MCF2L: variants seen among roughly 807,000 people sequenced by gnomAD.
MCF2L encodes MCF.2 cell line derived transforming sequence like.
In MCF2L, 97 loss-of-function variants were observed where a neutral mutation model predicts 153.4. That is an observed-to-expected ratio of 0.63 (90% confidence interval 0.54 to 0.75). The LOEUF is 0.75. MCF2L is among the 30% of genes least tolerant of loss of function. The probability of loss-of-function intolerance (pLI) is 0.00; values close to 1 mark genes in which losing one functional copy is unlikely to be tolerated. For synonymous variants in MCF2L, 659 were observed against 632.2 expected (o/e 1.04, Z -0.64); for missense variants, 1,347 against 1,495.2 (o/e 0.90, Z 1.64).
In MCF2L at chr13:113,065,186, C is replaced by G. The variant is rs563082673; in HGVS notation, c.756+101C>G. 9.9e-5 allele frequency: 143 copies of G among 1,450,728 alleles called. No homozygotes were observed. In the African/African-American group the frequency reaches 1.3e-3, roughly 14 times the overall value. 89.9% of individuals were successfully genotyped at this position (1,450,728 alleles called of 1,614,324 possible). ...AGCTGCGGGGGGTCTTTCGTCCCAGCGGGAGTTTGTGTCAGCAGCACGTAA... is the reference window on the plus strand; with the variant it reads ...AGCTGCGGGGGGTCTTTCGTCCCAGGGGGAGTTTGTGTCAGCAGCACGTAA... On this transcript the variant is annotated intron_variant, in intron 7 of 29. Coordinates refer to ENST00000535094, the MANE Select transcript of MCF2L (RefSeq NM_001112732.3).
At chr13:112,937,746 G>A (rs2081529249) in intron 2 of MCF2L, among the ~76,000 whole-genome samples, 1 of 141,256 alleles carries the variant, frequency 7.1e-6, no homozygotes, top group African/African-American at 2.6e-5. Context: ...GAGCACTGAT[G>A]TGCTGGTTCA....
intron 4 of MCF2L, among the ~76,000 whole-genome samples, chr13:113,050,542 G>A (rs551561060): frequency 1.3e-4 from 19 of 150,260 alleles, no homozygotes; most frequent in African/African-American, 3.9e-4. Context: ...CTTCTAGGTC[G>A]TCCAGCAAAT....
chr13:112,944,471 G>A (rs1257808115), intron 2 of MCF2L, among the ~76,000 whole-genome samples: 3 of 151,970 alleles, frequency 2.0e-5, no homozygotes, highest in Admixed American at 1.3e-4. Flanking sequence ...CTGCTCAAGG[G>A]TCGCGTTCCT....
At position 113,099,163 on chromosome 13, in the gene MCF2L, G is replaced by A. The variant is rs1369222575; in HGVS notation, c.*2304G>A. ...ATTCAGGACAGTTCATAGAGTAAAG[G>A]GGGCTGCGTGGCAATCAGGAACTCA... On this transcript the variant is annotated 3_prime_UTR_variant, in exon 30 of 30. Transcript: ENST00000535094. The A allele has an allele frequency of 1.3e-5, 2 of 152,190 alleles. No individual in the cohort carries two copies. The highest frequency in any genetic ancestry group is 2.1e-4 in the South Asian group (1 of 4,808). 9.4% of individuals were successfully genotyped at this position (152,190 alleles called of 1,614,324 possible).
At chr13:112,952,470 C>T (rs2081705180) in intron 2 of MCF2L, among the ~76,000 whole-genome samples, 1 of 152,178 alleles carries the variant, frequency 6.6e-6, no homozygotes, top group East Asian at 1.9e-4. Context: ...GGAGGAATCT[C>T]CGTTTTCTTC....
At chr13:113,016,479 G>A (rs2084522426) in intron 2 of MCF2L, among the ~76,000 whole-genome samples, 1 of 152,144 alleles carries the variant, frequency 6.6e-6, no homozygotes, top group African/African-American at 2.4e-5. Flanking sequence ...CTCCACGTGG[G>A]CCCAGAGACC....
chr13:112,949,240 A>C (rs2081666936), intron 2 of MCF2L, among the ~76,000 whole-genome samples: 1 of 152,268 alleles, frequency 6.6e-6, no homozygotes, highest in Non-Finnish European at 1.5e-5. Context: ...TATTAAATAC[A>C]TTGAATTCAT....
chr13:112,903,751 C>T (rs1440407460), intron 2 of MCF2L, among the ~76,000 whole-genome samples: 1 of 152,220 alleles, frequency 6.6e-6, no homozygotes, highest in African/African-American at 2.4e-5. Context: ...CTTGGGACCT[C>T]TCACGGACTG....
chr13:112,996,424 G>A (rs2083134713), intron 1 of MCF2L, among the ~76,000 whole-genome samples: 1 of 152,226 alleles, frequency 6.6e-6, no homozygotes, highest in Non-Finnish European at 1.5e-5. Flanking sequence ...GACACGCCAG[G>A]ATGGGCCGTG....
At chr13:112,964,150 C>T (rs1029380001) in intron 2 of MCF2L, among the ~76,000 whole-genome samples, 3 of 152,230 alleles carry the variant, frequency 2.0e-5, no homozygotes, top group African/African-American at 7.2e-5. Context: ...CATAGCCCAC[C>T]TCGGATGGCC....
chr13:112,979,687 C>T (rs891776152), intron 1 of MCF2L: 3 of 1,612,844 alleles, frequency 1.9e-6, no homozygotes, highest in Non-Finnish European at 2.5e-6. Context: ...AAGGGAGCAT[C>T]CCGGGGAACC....
chr13:113,064,466 T>C lies in MCF2L; in HGVS notation c.606+46T>C, dbSNP rs1159095348. 8.3e-7 allele frequency: 1 copy of C among 1,202,546 alleles called. No homozygotes were observed. Among genetic ancestry groups the C allele is most frequent in the South Asian group, 1.2e-5 (1 of 82,812 alleles). 74.5% of individuals were successfully genotyped at this position (1,202,546 alleles called of 1,614,324 possible). A position where few individuals can be genotyped will look rare whatever the true frequency, so the allele number is the denominator to read the frequency against. On this transcript the variant is annotated intron_variant, in intron 6 of 29. Coordinates refer to ENST00000535094, the MANE Select transcript of MCF2L (RefSeq NM_001112732.3). The surrounding 1 kb of genome is among the most constrained non-coding windows in gnomAD (Gnocchi z 6.0). ...CGGGGCTGGCTGATACCAGCTCGAGTACTTCCACAGAATCGCTCTTGCATT... is the reference window on the plus strand; with the variant it reads ...CGGGGCTGGCTGATACCAGCTCGAGCACTTCCACAGAATCGCTCTTGCATT...
At chr13:113,093,269 A>G (rs534365841) in intron 26 of MCF2L, among the ~76,000 whole-genome samples, 23 of 152,220 alleles carry the variant, frequency 1.5e-4, no homozygotes, top group Admixed American at 4.6e-4. Flanking sequence ...CAACCGGAAA[A>G]TCACAGTCCT....
intron 2 of MCF2L, among the ~76,000 whole-genome samples, chr13:112,961,550 G>A (rs888954971): frequency 6.6e-6 from 1 of 152,252 alleles, no homozygotes; most frequent in Non-Finnish European, 1.5e-5. Context: ...CCTTCCTGCT[G>A]CTGTGGGCTT....
chr13:112,948,240 A>G (rs1216202444), intron 2 of MCF2L, among the ~76,000 whole-genome samples: 1 of 152,188 alleles, frequency 6.6e-6, no homozygotes, highest in Non-Finnish European at 1.5e-5. Context: ...AATCCATACT[A>G]ATCTTATGAA....
At chr13:112,998,738 A>G (rs1363773965) in intron 1 of MCF2L, among the ~76,000 whole-genome samples, 7 of 152,134 alleles carry the variant, frequency 4.6e-5, no homozygotes, top group African/African-American at 1.7e-4. Context: ...GTGTGGTTTC[A>G]CGTGCACTGT....
chr13:113,088,036 A>C (rs1159400559), intron 23 of MCF2L, among the ~76,000 whole-genome samples: 1 of 152,182 alleles, frequency 6.6e-6, no homozygotes, highest in East Asian at 1.9e-4. Flanking sequence ...AGGGGAGCTC[A>C]TGTGTCCCTG....
At chr13:112,905,361 G>A (rs1190339037) in intron 2 of MCF2L, among the ~76,000 whole-genome samples, 2 of 152,176 alleles carry the variant, frequency 1.3e-5, no homozygotes, top group Non-Finnish European at 2.9e-5. Flanking sequence ...ACAGTGGTGG[G>A]AAGAGCAGTT....
chr13:113,089,968 T>G, intron 26 of MCF2L: 1 of 1,598,436 alleles, frequency 6.3e-7, no homozygotes, highest in South Asian at 1.1e-5. Flanking sequence ...CGGCCGAGCG[T>G]GCAACCCGGA....
Sources: gnomAD v4.1 joint callset for allele counts (sites outside exome capture counted in the v4.1 genomes callset) on GRCh38, gnomAD v4.1.1 for gene constraint, Gnocchi (gnomAD v3.1) non-coding constraint, MANE v1.5 for transcripts, NCBI Gene and HGNC (gene_info 2026-07-23, HGNC 2026-07-21) for gene names.